GBP3: variants seen among roughly 807,000 people sequenced by gnomAD.
GBP3 encodes the protein guanylate binding protein 3.
A neutral mutation model predicts 62.4 loss-of-function variants in GBP3; 55 were observed. The observed-to-expected ratio is 0.88, with a 90% CI of 0.71 to 1.10. GBP3 has a LOEUF of 1.10. Ranked by LOEUF, GBP3 falls within the 50% of genes least tolerant of loss-of-function variation. The pLI, the probability that GBP3 is intolerant of heterozygous loss-of-function variation, is 0.00. For missense variants in GBP3, 605 were observed against 690.6 expected (o/e 0.88, Z 1.39); for synonymous variants, 208 against 259.2 (o/e 0.80, Z 1.90).
chr1:89,015,536 T>TA (rs1481773556), intron 2 of GBP3, 122 bp from the exon 3 acceptor site: 7 of 757,892 alleles, frequency 9.2e-6, no homozygotes, highest in African/African-American at 3.6e-5. Flanking sequence ...AATCAGTACT[T>TA]ACGTTACTTA....
chr1:89,009,045 T>A lies in GBP3; in HGVS notation c.1561A>T (p.Ser521Cys). ...YQQMMEEKEK[S>C]YQEHVKQLTE... is the part of the protein sequence containing the mutation. ...AATTGTTTCACATGTTCTTGATAAC[T>A]CTTCTCTTTCTCTTCCATCATCTGC... Residue 521 changes from serine to cysteine, a missense_variant, in exon 10 of 11, where the codon AGT (serine) becomes TGT (cysteine). By Grantham distance (112) the Ser-to-Cys change is moderately radical. Around this residue, in one of 3 missense-constraint regions of GBP3, gnomAD observed 160 missense variants for 147.8 expected, o/e 1.08. Coordinates refer to ENST00000370481, the MANE Select transcript of GBP3 (RefSeq NM_018284.3). 6.2e-7 allele frequency: 1 copy of A among 1,614,208 alleles called. No individual in the cohort carries two copies. Among genetic ancestry groups the A allele is most frequent in the African/African-American group, 1.3e-5 (1 of 75,074 alleles).
intron 2 of GBP3, among the ~76,000 whole-genome samples, chr1:89,018,768 C>T (rs1679018976): frequency 6.6e-6 from 1 of 152,310 alleles, no homozygotes; most frequent in African/African-American, 2.4e-5. Flanking sequence ...TTCCCCCACC[C>T]TCACTAAACT....
Position 89,011,056 on chromosome 1 carries a change from G to C in GBP3, c.1210C>G (p.Arg404Gly), listed in dbSNP as rs750026691. 3 of 1,462,006 alleles carry C rather than the reference G, an allele frequency of 2.1e-6. 1 individual carries two copies. Among genetic ancestry groups the C allele is most frequent in the Non-Finnish European group, 2.8e-6 (3 of 1,055,090 alleles). 90.6% of individuals were successfully genotyped at this position (1,462,006 alleles called of 1,614,324 possible). The change falls in exon 8 of 11, where the codon CGT (arginine) becomes GGT (glycine). Residue 404 changes from arginine to glycine, a missense_variant. This residue lies in a region of GBP3 where 137 missense variants were observed against 224.7 expected (regional missense o/e 0.61). Transcript: ENST00000370481. ...ATGACCTGAAGTAAAGCTGAGCAAC[G>C]ATCTGATGATGCTTCTTGATTCTGT... The part of the protein sequence containing the change: ...CKQNQEASSD[R>G]CSALLQVIFS...
At chr1:89,015,667 C>T (rs1409253656) in intron 2 of GBP3, among the ~76,000 whole-genome samples, 2 of 149,374 alleles carry the variant, frequency 1.3e-5, no homozygotes, top group African/African-American at 5.0e-5. Context: ...TCACTTGAAC[C>T]CAGGAGGCGG....
At chr1:89,017,782 A>G (rs1410563950) in intron 2 of GBP3, among the ~76,000 whole-genome samples, 3 of 131,360 alleles carry the variant, frequency 2.3e-5, no homozygotes, top group East Asian at 3.9e-4. Context: ...GTGACTATCA[A>G]AAAAAATTGA....
chr1:89,021,617 G>T (rs533780091), intron 1 of GBP3, among the ~76,000 whole-genome samples: 4 of 151,632 alleles, frequency 2.6e-5, no homozygotes, highest in Non-Finnish European at 5.9e-5. Flanking sequence ...GAAAGACCAG[G>T]AAGCACATAA....
chr1:89,007,703 A>G lies in GBP3; in HGVS notation c.*21T>C, dbSNP rs2101126509. On this transcript the variant is annotated 3_prime_UTR_variant, in exon 11 of 11. Transcript: ENST00000370481. Reference sequence around the variant, plus strand: ...TGTTTCAGTTATGCCTTGGGTTAGGATGACAGAAAAGCTCTGTTGTTTAGA... The same window carrying G: ...TGTTTCAGTTATGCCTTGGGTTAGGGTGACAGAAAAGCTCTGTTGTTTAGA... 1.2e-6 allele frequency: 2 copies of G among 1,602,282 alleles called. No individual in the cohort carries two copies. Among genetic ancestry groups the G allele is most frequent in the Non-Finnish European group, 1.7e-6 (2 of 1,175,254 alleles).
chr1:89,022,665 A>G lies in GBP3; in HGVS notation c.-23+19T>C, dbSNP rs1442469654. The G allele has an allele frequency of 1.3e-5, 2 of 152,186 alleles. No individual in the cohort carries two copies. The highest frequency in any genetic ancestry group is 1.3e-4 in the Admixed American group (2 of 15,278). 9.4% of individuals were successfully genotyped at this position (152,186 alleles called of 1,614,324 possible). A position where few individuals can be genotyped will look rare whatever the true frequency, so the allele number is the denominator to read the frequency against. On this transcript the variant is annotated intron_variant, in intron 1 of 10. Coordinates refer to ENST00000370481, the MANE Select transcript of GBP3 (RefSeq NM_018284.3). The stretch of plus-strand genomic sequence containing the variant: ...CTGAGGTACTTCAGAGCTGGAGAGG[A>G]AGCAATAGGAGTTCTTACCTGTGCT...
At chr1:89,022,338 T>C (rs1679289467) in intron 1 of GBP3, among the ~76,000 whole-genome samples, 1 of 152,202 alleles carries the variant, frequency 6.6e-6, no homozygotes, top group African/African-American at 2.4e-5. Context: ...GCTCCATCAC[T>C]GACAATGGAA....
chr1:89,014,822 G>T (rs1272976966), intron 3 of GBP3, among the ~76,000 whole-genome samples, 166 bp from the exon 4 acceptor site: 1 of 152,230 alleles, frequency 6.6e-6, no homozygotes, highest in Non-Finnish European at 1.5e-5. Flanking sequence ...GCTGTGGAAT[G>T]TGTATAGTTT....
chr1:89,009,493 G>C lies in GBP3; in HGVS notation c.1364C>G (p.Ala455Gly), dbSNP rs564970705. ...YYEEPRKGIQ[A>G]EEILQTYLKS... ...CAAGTATGTCTGCAGAATCTCTTCA[G>C]CCTTAGGACCCAGAGAACACAGAGT... Residue 455 changes from alanine (A) to glycine (G), a missense_variant and splice_region_variant, in exon 9 of 11, where the codon GCT becomes GGT. Around this residue, in one of 3 missense-constraint regions of GBP3, gnomAD observed 137 missense variants for 224.7 expected, o/e 0.61. Coordinates refer to ENST00000370481, the MANE Select transcript of GBP3 (RefSeq NM_018284.3). 3.1e-6 allele frequency: 5 copies of C among 1,613,966 alleles called. No individual in the cohort carries two copies. In the South Asian group the frequency reaches 4.4e-5, roughly 14 times the overall value.
Position 89,007,755 on chromosome 1 carries a change from T to C in GBP3, c.1757A>G (p.Lys586Arg). The part of the protein sequence containing the change: ...KLQKTLKKKT[K>R]RYMSHKLKI ...CTTTAGCTTATGCGACATATATCTC[T>C]TGGTTTTTTTTTTCAGGGTCTTCTG... The change falls in exon 11 of 11, where the codon AAG becomes AGG. Residue 586 changes from lysine (K) to arginine (R), a missense_variant. By Grantham distance (26) the Lys-to-Arg change is conservative (BLOSUM62 2). Around this residue, in one of 3 missense-constraint regions of GBP3, gnomAD observed 160 missense variants for 147.8 expected, o/e 1.08. Coordinates refer to ENST00000370481, the MANE Select transcript of GBP3 (RefSeq NM_018284.3). 1 of 1,613,518 alleles carries C rather than the reference T, an allele frequency of 6.2e-7. No individual in the cohort carries two copies. The highest frequency in any genetic ancestry group is 1.1e-5 in the South Asian group (1 of 90,922).
chr1:89,008,992 G>A lies in GBP3; in HGVS notation c.1614C>T (p.Ala538=), dbSNP rs1678393815. ...TCTTCTCTTGCTCTTCCAGCAACTG[G>A]GCCCTCTCCCTCTCCATCTTCTCAG... The part of the protein sequence containing the change: ...QLTEKMERER[A]QLLEEQEKTL... The change falls in exon 10 of 11, where the codon GCC becomes GCT. Residue 538 remains alanine (A), a synonymous_variant. Transcript: ENST00000370481. 1 of 1,613,990 alleles carries A rather than the reference G, an allele frequency of 6.2e-7. No homozygotes were observed. Among genetic ancestry groups the A allele is most frequent in the African/African-American group, 1.3e-5 (1 of 74,894 alleles).
chr1:89,018,423 G>A (rs1679003560), intron 2 of GBP3, among the ~76,000 whole-genome samples: 1 of 152,176 alleles, frequency 6.6e-6, no homozygotes. Context: ...ATCTTGCCAT[G>A]GCTCTTCTAG....
intron 1 of GBP3, among the ~76,000 whole-genome samples, chr1:89,021,504 G>GCA (rs1553178151): frequency 3.9e-4 from 26 of 66,350 alleles, no homozygotes; most frequent in Non-Finnish European, 6.7e-4. Context: ...ACGCATGCGC[G>GCA]CGCGCGCACA....
At chr1:89,019,263 C>T (rs1194286748) in intron 2 of GBP3, among the ~76,000 whole-genome samples, 1 of 152,146 alleles carries the variant, frequency 6.6e-6, no homozygotes, top group Non-Finnish European at 1.5e-5. Flanking sequence ...CATATAATTA[C>T]TTAGCCTTGA....
At chr1:89,017,943 G>A (rs1678976015) in intron 2 of GBP3, among the ~76,000 whole-genome samples, 1 of 152,084 alleles carries the variant, frequency 6.6e-6, no homozygotes, top group Non-Finnish European at 1.5e-5. Flanking sequence ...GCCATGCATG[G>A]TGGCAGGTGC....
At chr1:89,014,446 C>T (rs527639635) in intron 4 of GBP3, 101 bp downstream of exon 4, 13 of 1,610,044 alleles carry the variant, frequency 8.1e-6, no homozygotes, top group African/African-American at 6.7e-5. Context: ...TTTGTTTTCT[C>T]CTTTTGAGCT....
intron 5 of GBP3, chr1:89,013,833 C>A: frequency 4.4e-6 from 2 of 456,956 alleles, no homozygotes; most frequent in South Asian, 3.6e-5. Flanking sequence ...GAAAAAGAAA[C>A]TTATTTTAGA....
Sources: gnomAD v4.1 joint callset for allele counts (sites outside exome capture counted in the v4.1 genomes callset) on GRCh38, gnomAD v4.1.1 for gene constraint, gnomAD v4.1.1 regional missense constraint, MANE v1.5 for transcripts, NCBI Gene and HGNC (gene_info 2026-07-23, HGNC 2026-07-21) for gene names.